GYS1: variants seen among roughly 807,000 people sequenced by gnomAD.
GYS1 encodes the protein glycogen synthase 1.
In GYS1, 60 loss-of-function variants were observed where a neutral mutation model predicts 89.1. The ratio of observed to expected loss-of-function variants is 0.67; its 90% CI spans 0.55 to 0.84. GYS1 has a LOEUF of 0.84. Ranked by LOEUF, GYS1 falls within the 40% of genes least tolerant of loss-of-function variation. The pLI is 0.00. For missense variants in GYS1, 888 were observed against 1,003.1 expected, an observed-to-expected ratio of 0.89 and a Z score of 1.55; for synonymous variants, 366 against 401.7, an observed-to-expected ratio of 0.91 and a Z score of 1.06.
intron 10 of GYS1, 52 bp downstream of exon 10, chr19:48,977,872 C>T: frequency 7.0e-7 from 1 of 1,423,024 alleles, no homozygotes; most frequent in Non-Finnish European, 9.9e-7. Flanking sequence ...GGCAAGCTGC[C>T]TCTGGGGCTG....
At chr19:48,970,472 T>C (rs1349833210) in intron 14 of GYS1, 74 bp downstream of exon 14, 8 of 1,263,170 alleles carry the variant, frequency 6.3e-6, no homozygotes, top group Admixed American at 1.7e-5. Flanking sequence ...GATGAGACCC[T>C]GCACCCTGCA....
At position 48,991,030 on chromosome 19, in the gene GYS1, T is replaced by C. The variant is rs1455427210; in HGVS notation, c.300+272A>G. ...GGCTGTCTTTCGATCTTGCTCTCTT[T>C]CTCTCTGGGTCTGAGGACCTTGGCC... On this transcript the variant is annotated intron_variant, in intron 2 of 15. Transcript: ENST00000323798. This position sits in a 1 kb window ranked among gnomAD's most constrained non-coding sequence, Gnocchi z 4.7. Among the ~76,000 whole-genome samples, 1 of 152,202 alleles carries C rather than the reference T, an allele frequency of 6.6e-6. No individual in the cohort carries two copies. Among genetic ancestry groups the C allele is most frequent in the East Asian group, 1.9e-4 (1 of 5,198 alleles).
chr19:48,969,695 C>T, intron 15 of GYS1, 80 bp downstream of exon 15: 1 of 1,575,602 alleles, frequency 6.3e-7, no homozygotes, highest in South Asian at 1.1e-5. Flanking sequence ...TCTAGGCCTT[C>T]CCACTCCAGG....
chr19:48,982,467 G>T (rs1040232366), intron 6 of GYS1, 92 bp from the exon 7 acceptor site: 23 of 1,455,888 alleles, frequency 1.6e-5, no homozygotes, highest in Admixed American at 1.4e-4. Context: ...TGGGTGGGGG[G>T]GCAGAGGATG....
chr19:48,985,566 G>C lies in GYS1; in HGVS notation c.718C>G (p.His240Asp), dbSNP rs749298698. The change falls in exon 5 of 16, where the codon CAC becomes GAC. Residue 240 changes from histidine (H) to aspartate (D), a missense_variant. Coordinates refer to ENST00000323798, the MANE Select transcript of GYS1 (RefSeq NM_002103.5). The stretch of plus-strand genomic sequence containing the variant: ...GCCGCCCTTTCCATGCAGTATCGGT[G>C]GTAGATCTGCCTCTCCCCTGCTTCC... Reference protein sequence around the residue: ...DKEAGERQIYHRYCMERAAAH... With the variant: ...DKEAGERQIYDRYCMERAAAH... 1.2e-6 allele frequency: 2 copies of C among 1,613,916 alleles called. No homozygotes were observed. The highest frequency in any genetic ancestry group is 1.1e-5 in the South Asian group (1 of 91,080).
In GYS1 at chr19:48,969,051, T is replaced by A. The variant is rs1027983137; in HGVS notation, c.*237A>T. 2.8e-5 allele frequency: 18 copies of A among 651,454 alleles called. No individual in the cohort carries two copies. Among genetic ancestry groups the A allele is most frequent in the African/African-American group, 1.8e-5 (1 of 54,816 alleles). 40.4% of individuals were successfully genotyped at this position (651,454 alleles called of 1,614,324 possible). A position where few individuals can be genotyped will look rare whatever the true frequency, so the allele number is the denominator to read the frequency against. ...GGGAAGCGGTCCAGGCCCAGGGGAC[T>A]CCAGGGCGCTGATTATGCATATTCT... is the stretch of plus-strand genomic sequence containing the variant. On this transcript the variant is annotated 3_prime_UTR_variant, in exon 16 of 16. Transcript: ENST00000323798.
chr19:48,983,393 A>C (rs1470565446), intron 5 of GYS1, among the ~76,000 whole-genome samples: 2 of 152,190 alleles, frequency 1.3e-5, no homozygotes, highest in Admixed American at 6.5e-5. Flanking sequence ...CAGCTACTGC[A>C]AATGGCTAAC....
chr19:48,969,817 G>T lies in GYS1; in HGVS notation c.1848C>A (p.Ala616=). 1 of 1,613,994 alleles carries T rather than the reference G, an allele frequency of 6.2e-7. No homozygotes were observed. Among genetic ancestry groups the T allele is most frequent in the Non-Finnish European group, 8.5e-7 (1 of 1,179,970 alleles). ...MSARHMALSK[A]FPEHFTYEPN... ...GCTCGTAGGTGAAGTGCTCTGGAAA[G>T]GCCTTGGACAGCGCCATGTGGCGCG... Residue 616 remains alanine (A), a synonymous_variant, in exon 15 of 16, where the codon GCC becomes GCA. Transcript: ENST00000323798.
At position 48,973,398 on chromosome 19, in the gene GYS1, G is replaced by A. The variant is rs190878573; in HGVS notation, c.1549+815C>T. 1.4e-4 allele frequency among the ~76,000 whole-genome samples: 22 copies of A among 151,842 alleles called. No homozygotes were observed. The East Asian group carries it at 4.0e-3, about 28-fold the overall frequency. On this transcript the variant is annotated intron_variant, in intron 12 of 15. Transcript: ENST00000323798. ...ATCTATCTATAAAACAAGGCCTATG[G>A]AAAAAGGGAATTGGGGCTGACCGCG...
At position 48,970,695 on chromosome 19, in the gene GYS1, C is replaced by A; in HGVS notation, c.1660G>T (p.Asp554Tyr). 2 of 1,613,798 alleles carry A rather than the reference C, an allele frequency of 1.2e-6. No individual in the cohort carries two copies. Among genetic ancestry groups the A allele is most frequent in the South Asian group, 2.2e-5 (2 of 90,968 alleles). The change falls in exon 14 of 16, where the codon GAC (aspartate) becomes TAC (tyrosine). Residue 554 changes from aspartate (D) to tyrosine (Y), a missense_variant. Coordinates refer to ENST00000323798, the MANE Select transcript of GYS1 (RefSeq NM_002103.5). ...TCATCCAGGCTGCGGAACCGCCGGT[C>A]AAGAATGTAGATACCTGTGGAGGCC... ...DPSAYGIYIL[D>Y]RRFRSLDDSC...
At chr19:48,990,024 G>T (rs1350209260) in intron 2 of GYS1, among the ~76,000 whole-genome samples, 3 of 118,084 alleles carry the variant, frequency 2.5e-5, no homozygotes, top group African/African-American at 1.1e-4. Flanking sequence ...CTATTCTTAG[G>T]CCCCCAGCAC....
Position 48,991,589 on chromosome 19 carries a change from T to C in GYS1, c.119-106A>G, listed in dbSNP as rs2038929446. On this transcript the variant is annotated intron_variant, in intron 1 of 15. Transcript: ENST00000323798. This position sits in a 1 kb window ranked among gnomAD's most constrained non-coding sequence, Gnocchi z 4.7. The stretch of plus-strand genomic sequence containing the variant: ...AGGGGGCACTCAGGCCCCAGACCTC[T>C]AGCTCAGGGGGAAGAGGGGACTGGG... The C allele has an allele frequency of 1.1e-5, 13 of 1,214,878 alleles. No homozygotes were observed. The Admixed American group carries it at 1.6e-4, about 15-fold the overall frequency. 75.3% of individuals were successfully genotyped at this position (1,214,878 alleles called of 1,614,324 possible).
intron 1 of GYS1, among the ~76,000 whole-genome samples, chr19:48,992,786 C>T (rs906312048): frequency 1.3e-5 from 2 of 152,148 alleles, no homozygotes; most frequent in Non-Finnish European, 2.9e-5. Flanking sequence ...GACCCAGAAC[C>T]CGGGCTTCCA....
chr19:48,988,992 T>G (rs2038881514), intron 2 of GYS1, among the ~76,000 whole-genome samples: 1 of 152,156 alleles, frequency 6.6e-6, no homozygotes, highest in Non-Finnish European at 1.5e-5. Flanking sequence ...CTGCGACCTC[T>G]TTCCTCTATC....
intron 3 of GYS1, 88 bp from the exon 4 acceptor site, chr19:48,986,123 G>A (rs2038840344): frequency 2.5e-6 from 3 of 1,199,068 alleles, no homozygotes; most frequent in Admixed American, 1.9e-5. Flanking sequence ...CTCGGGGAGA[G>A]GTCAATCTGT....
chr19:48,979,310 C>T (rs1321162612), intron 8 of GYS1, among the ~76,000 whole-genome samples: 1 of 117,216 alleles, frequency 8.5e-6, no homozygotes, highest in Non-Finnish European at 1.9e-5. Context: ...ATTTTTCTTT[C>T]TTTGTCTCTT....
chr19:48,983,482 G>A (rs1436507211), intron 5 of GYS1, among the ~76,000 whole-genome samples: 2 of 152,200 alleles, frequency 1.3e-5, no homozygotes, highest in African/African-American at 4.8e-5. Context: ...AGATGGAAAT[G>A]ATTAAACATC....
chr19:48,989,398 C>G (rs932301430), intron 2 of GYS1, among the ~76,000 whole-genome samples: 1 of 150,114 alleles, frequency 6.7e-6, no homozygotes, highest in Non-Finnish European at 1.5e-5. Flanking sequence ...AGGAGAATTG[C>G]TTGAACGCGG....
At chr19:48,976,789 C>T (rs1282972526) in intron 10 of GYS1, among the ~76,000 whole-genome samples, 1 of 151,840 alleles carries the variant, frequency 6.6e-6, no homozygotes, top group Non-Finnish European at 1.5e-5. Context: ...GTGTATGTGT[C>T]CGCCTCGCTC....
Sources: allele counts gnomAD v4.1 joint callset (sites outside exome capture counted in the v4.1 genomes callset), GRCh38; gene constraint gnomAD v4.1.1; non-coding constraint Gnocchi (gnomAD v3.1); transcripts MANE v1.5; gene names NCBI Gene and HGNC (gene_info 2026-07-23, HGNC 2026-07-21).